Variants in MRPL42 observed in about 807,000 individuals in gnomAD.
MRPL42 encodes the protein mitochondrial ribosomal protein L42, also known as large ribosomal subunit protein mL42.
Under a neutral mutation model 17.9 loss-of-function variants are expected in MRPL42, and 17 were observed. The observed-to-expected ratio is 0.95, with a 90% CI of 0.65 to 1.42. The LOEUF (loss-of-function observed/expected upper bound fraction) is 1.42. Among genes scored for constraint, MRPL42 ranks in the 40% most tolerant of loss-of-function variants. The pLI is 0.00. For synonymous variants in MRPL42, 59 were observed against 54.4 expected, an observed-to-expected ratio of 1.08 and a Z score of -0.37; for missense variants, 177 against 175.2, an observed-to-expected ratio of 1.01 and a Z score of -0.06.
At position 93,515,096 on chromosome 12, in the gene MRPL42, A is replaced by G. The variant is rs969429819; in HGVS notation, c.*13875A>G. The G allele has an allele frequency of 6.6e-6, 1 of 152,154 alleles. No individual in the cohort carries two copies. Among genetic ancestry groups the G allele is most frequent in the African/African-American group, 2.4e-5 (1 of 41,414 alleles). 9.4% of individuals were successfully genotyped at this position (152,154 alleles called of 1,614,324 possible). On this transcript the variant is annotated 3_prime_UTR_variant, in exon 6 of 6. Transcript: ENST00000549982. ...TCATTGCTAACCTCACTGATTTTTA[A>G]TTTTACCATTTAAATGTTAGTAACA...
At position 93,477,000 on chromosome 12, in the gene MRPL42, A is replaced by T; in HGVS notation, c.117A>T (p.Leu39=). 3.1e-6 allele frequency: 5 copies of T among 1,602,462 alleles called. No homozygotes were observed. The highest frequency in any genetic ancestry group is 4.3e-6 in the Non-Finnish European group (5 of 1,171,894). The change falls in exon 3 of 6, where the codon CTA becomes CTT. Residue 39 remains leucine (L), a synonymous_variant. Coordinates refer to ENST00000549982, the MANE Select transcript of MRPL42 (RefSeq NM_014050.4). ...GTCATAAATCTACGTATTCTCCTCT[A>T]CCAGATGACTATAATTGGTATGTAT... ...CVCHKSTYSP[L]PDDYNCNVEL...
rs1310095448 is a variant in MRPL42 at position 93,515,746 on chromosome 12, G to T, written c.*14525G>T. On this transcript the variant is annotated 3_prime_UTR_variant, in exon 6 of 6. Coordinates refer to ENST00000549982, the MANE Select transcript of MRPL42 (RefSeq NM_014050.4). ...GAAAAGCTGCTCTTGACATCTGAAA[G>T]CTGACTTGGCATTCACAGCTAGGCT... 6.6e-6 allele frequency: 1 copy of T among 152,174 alleles called. No homozygotes were observed. The highest frequency in any genetic ancestry group is 1.5e-5 in the Non-Finnish European group (1 of 68,040). The allele number at this position is 152,174 out of a possible 1,614,324, so 9.4% of individuals were successfully genotyped here.
chr12:93,470,930 T>G (rs1452216108), intron 2 of MRPL42, among the ~76,000 whole-genome samples: 2 of 152,228 alleles, frequency 1.3e-5, no homozygotes, highest in Admixed American at 6.5e-5. Flanking sequence ...GCAGCTGACT[T>G]TTTAAATACA....
intron 3 of MRPL42, among the ~76,000 whole-genome samples, chr12:93,479,072 C>T (rs1008238848): frequency 2.6e-5 from 4 of 151,574 alleles, no homozygotes; most frequent in Non-Finnish European, 5.9e-5. Flanking sequence ...GCTGGGACTA[C>T]AGGTGTGTGC....
chr12:93,497,010 G>A (rs1476338303), intron 5 of MRPL42, among the ~76,000 whole-genome samples: 9 of 152,086 alleles, frequency 5.9e-5, no homozygotes, highest in Admixed American at 5.9e-4. Flanking sequence ...AACCTCGCAT[G>A]TTTGAATCAG....
chr12:93,488,208 G>C lies in MRPL42; in HGVS notation c.383+548G>C, dbSNP rs1214931741. Reference sequence around the variant, plus strand: ...GATGGTCTCGAACTCCTGACCTTGTGATCCACCCACCTTGGCCTCCCAAAG... The same window carrying C: ...GATGGTCTCGAACTCCTGACCTTGTCATCCACCCACCTTGGCCTCCCAAAG... On this transcript the variant is annotated intron_variant, in intron 5 of 5. Coordinates refer to ENST00000549982, the MANE Select transcript of MRPL42 (RefSeq NM_014050.4). 8 of 385,180 alleles carry C rather than the reference G, an allele frequency of 2.1e-5. No individual in the cohort carries two copies. In the East Asian group the frequency reaches 3.0e-4, roughly 14 times the overall value. The allele number at this position is 385,180 out of a possible 1,614,324, so 23.9% of individuals were successfully genotyped here.
chr12:93,474,405 C>T (rs1880062754), intron 2 of MRPL42, among the ~76,000 whole-genome samples: 1 of 150,484 alleles, frequency 6.6e-6, no homozygotes, highest in African/African-American at 2.4e-5. Flanking sequence ...TCGCAAAGCG[C>T]TGAGATTACA....
intron 4 of MRPL42, among the ~76,000 whole-genome samples, chr12:93,481,094 A>G (rs1041633933): frequency 2.0e-5 from 3 of 152,206 alleles, no homozygotes; most frequent in Non-Finnish European, 4.4e-5. Flanking sequence ...TATACTAAGA[A>G]TGCCAGGTCA....
At chr12:93,485,318 A>G (rs1267113914) in intron 4 of MRPL42, among the ~76,000 whole-genome samples, 1 of 151,246 alleles carries the variant, frequency 6.6e-6, no homozygotes, top group Non-Finnish European at 1.5e-5. Context: ...GTGAGCTACC[A>G]TGCCTGGCTA....
intron 5 of MRPL42, among the ~76,000 whole-genome samples, chr12:93,492,701 C>T (rs573294829): frequency 6.6e-6 from 1 of 152,368 alleles, no homozygotes; most frequent in Admixed American, 6.5e-5. Flanking sequence ...ATATTTACTA[C>T]TCAAGACTGA....
At chr12:93,480,740 C>G (rs1880421306) in intron 4 of MRPL42, among the ~76,000 whole-genome samples, 1 of 150,850 alleles carries the variant, frequency 6.6e-6, no homozygotes, top group Non-Finnish European at 1.5e-5. Context: ...CAGGGTTTCA[C>G]CATGTTGGGC....
At chr12:93,489,433 C>T (rs75606382) in intron 5 of MRPL42, among the ~76,000 whole-genome samples, 7,784 of 152,074 alleles carry the variant, frequency 0.051, 251 homozygotes, top group South Asian at 0.14. Flanking sequence ...TATCATTTTC[C>T]CAAGGAAAAA....
chr12:93,485,245 C>T (rs1247225177), intron 4 of MRPL42, among the ~76,000 whole-genome samples: 13 of 149,400 alleles, frequency 8.7e-5, no homozygotes, highest in Admixed American at 8.1e-4. Flanking sequence ...TCACTGCAGC[C>T]TCAGCTTCCC....
chr12:93,473,109 T>G (rs1483549814), intron 2 of MRPL42, among the ~76,000 whole-genome samples: 1 of 152,238 alleles, frequency 6.6e-6, no homozygotes, highest in Non-Finnish European at 1.5e-5. Context: ...GAATAACTCA[T>G]AAATTACAGA....
chr12:93,508,911 G>C lies in MRPL42; in HGVS notation c.*7690G>C, dbSNP rs1953698032. Reference sequence around the variant, plus strand: ...TAGCTAAGAATGAGCTGGGGGGCTGGGCGTGGTAGTTCACACCTGTAATCC... The same window carrying C: ...TAGCTAAGAATGAGCTGGGGGGCTGCGCGTGGTAGTTCACACCTGTAATCC... On this transcript the variant is annotated 3_prime_UTR_variant, in exon 6 of 6. Coordinates refer to ENST00000549982, the MANE Select transcript of MRPL42 (RefSeq NM_014050.4). The C allele has an allele frequency of 6.6e-6, 1 of 152,146 alleles. No homozygotes were observed. The highest frequency in any genetic ancestry group is 2.1e-4 in the South Asian group (1 of 4,824). 9.4% of individuals were successfully genotyped at this position (152,146 alleles called of 1,614,324 possible).
intron 3 of MRPL42, among the ~76,000 whole-genome samples, chr12:93,477,445 C>G (rs1880232305): frequency 6.6e-6 from 1 of 152,208 alleles, no homozygotes; most frequent in African/African-American, 2.4e-5. Context: ...AATTTAGTCA[C>G]TATGATAAGA....
chr12:93,474,969 T>C (rs1292729073), intron 2 of MRPL42, among the ~76,000 whole-genome samples: 3 of 152,154 alleles, frequency 2.0e-5, no homozygotes, highest in Admixed American at 1.3e-4. Context: ...GGTGGGCGCC[T>C]GTAATCTCAG....
chr12:93,504,630 A>G lies in MRPL42; in HGVS notation c.*3409A>G, dbSNP rs1592792113. 3 of 152,206 alleles carry G rather than the reference A, an allele frequency of 2.0e-5. No individual in the cohort carries two copies. Among genetic ancestry groups the G allele is most frequent in the East Asian group, 3.8e-4 (2 of 5,202 alleles). The allele number at this position is 152,206 out of a possible 1,614,324, so 9.4% of individuals were successfully genotyped here. On this transcript the variant is annotated 3_prime_UTR_variant, in exon 6 of 6. Transcript: ENST00000549982. ...AAGTTTCAGGTCCTAGCTTAAACCT[A>G]TAAGAGGCCTTATTATGGGCTTATT...
rs530952016 is a variant in MRPL42, at chr12:93,478,848, T to G, written c.135-540T>G. Among the ~76,000 whole-genome samples, 109 of 152,262 alleles carry G rather than the reference T, an allele frequency of 7.2e-4. 1 individual carries two copies. Among genetic ancestry groups the G allele is most frequent in the African/African-American group, 2.2e-3 (90 of 41,552 alleles). On this transcript the variant is annotated intron_variant, in intron 3 of 5. Transcript: ENST00000549982. Reference sequence around the variant, plus strand: ...TGGTCTTCATTTGTGTCCTGTGTTATGGGTACCAGGTTTGCCAATCCAGTG... The same window carrying G: ...TGGTCTTCATTTGTGTCCTGTGTTAGGGGTACCAGGTTTGCCAATCCAGTG...
Sources: allele counts gnomAD v4.1 joint callset (sites outside exome capture counted in the v4.1 genomes callset), GRCh38; gene constraint gnomAD v4.1.1; transcripts MANE v1.5; gene names NCBI Gene and HGNC (gene_info 2026-07-23, HGNC 2026-07-21).